ANK3: variants seen among roughly 807,000 people sequenced by gnomAD.
ANK3 encodes ankyrin-3.
In ANK3, 57 loss-of-function variants were observed where a neutral mutation model predicts 370.9. The ratio of observed to expected loss-of-function variants is 0.15; its 90% CI spans 0.12 to 0.19. ANK3 has a LOEUF of 0.19. Among genes scored for constraint, ANK3 ranks in the 10% least tolerant of loss-of-function variants. The pLI, the probability that ANK3 is intolerant of heterozygous loss-of-function variation, is 1.00. For missense variants in ANK3, 4,439 were observed against 5,302.1 expected (o/e 0.84, Z 5.06); for synonymous variants, 1,929 against 1,946.3 (o/e 0.99, Z 0.23).
intron 2 of ANK3, among the ~76,000 whole-genome samples, chr10:60,547,378 A>G (rs2076989158): frequency 6.6e-6 from 1 of 151,912 alleles, no homozygotes; most frequent in Non-Finnish European, 1.5e-5. Flanking sequence ...GGCGTGAGCC[A>G]TCGCTCCCGG....
intron 2 of ANK3, among the ~76,000 whole-genome samples, chr10:60,524,749 G>A (rs569751242): frequency 3.9e-4 from 59 of 152,134 alleles, no homozygotes; most frequent in African/African-American, 1.3e-3. Flanking sequence ...CATCATGCCT[G>A]GGGGGTGGCG....
Position 60,075,177 on chromosome 10 carries a change from G to C in ANK3, c.5704C>G (p.Leu1902Val). 1 of 1,614,102 alleles carries C rather than the reference G, an allele frequency of 6.2e-7. No individual in the cohort carries two copies. Among genetic ancestry groups the C allele is most frequent in the Non-Finnish European group, 8.5e-7 (1 of 1,179,994 alleles). The change falls in exon 37 of 44, where the codon CTA becomes GTA. Residue 1902 changes from leucine to valine, a missense_variant. Transcript: ENST00000280772. ...TCTTTCATTTCAGCTACATCTTTTA[G>C]TATCTCCTGACTGGAAGATAAAGAA... Reference protein sequence around the residue: ...PSSLSSSQEILKDVAEMKEDL... With the variant: ...PSSLSSSQEIVKDVAEMKEDL...
intron 1 of ANK3, among the ~76,000 whole-genome samples, chr10:60,669,231 G>C (rs972964255): frequency 3.9e-5 from 6 of 152,150 alleles, no homozygotes; most frequent in Admixed American, 3.9e-4. Context: ...AATCACATTC[G>C]CTTCTGACAA....
chr10:60,331,109 C>G (rs910003918), intron 1 of ANK3, among the ~76,000 whole-genome samples: 2 of 151,706 alleles, frequency 1.3e-5, no homozygotes, highest in African/African-American at 2.4e-5. Context: ...ACAAACTGGG[C>G]CTGTCAGGGG....
intron 1 of ANK3, among the ~76,000 whole-genome samples, chr10:60,655,774 C>T (rs1221336751): frequency 6.6e-6 from 1 of 152,178 alleles, no homozygotes; most frequent in Non-Finnish European, 1.5e-5. Context: ...AGTGCAAGGA[C>T]TTCCAGTCCT....
rs147456501 is a variant in ANK3 at position 60,278,916 on chromosome 10, A to G, written c.316-44T>C. The G allele has an allele frequency of 9.4e-6, 15 of 1,599,126 alleles. No homozygotes were observed. In the East Asian group the frequency reaches 3.4e-4, roughly 36 times the overall value. ...GATATATCAACTCATCGATCTTTTG[A>G]ATTTTCCTGTTCTCCCCAAAGAGAA... On this transcript the variant is annotated intron_variant, in intron 3 of 43. Coordinates refer to ENST00000280772, the MANE Select transcript of ANK3 (RefSeq NM_020987.5).
chr10:60,640,633 G>A (rs1320740527), intron 1 of ANK3, among the ~76,000 whole-genome samples: 1 of 77,566 alleles, frequency 1.3e-5, no homozygotes, highest in African/African-American at 4.2e-5. Context: ...TTGATGGGAC[G>A]TATCTTAAAA....
chr10:60,247,498 T>C (rs2097574461), intron 7 of ANK3, among the ~76,000 whole-genome samples: 1 of 152,198 alleles, frequency 6.6e-6, no homozygotes, highest in African/African-American at 2.4e-5. Context: ...AAAAACTTTA[T>C]AGCCATTAGC....
At chr10:60,438,259 A>G (rs922333116) in intron 2 of ANK3, among the ~76,000 whole-genome samples, 13 of 151,802 alleles carry the variant, frequency 8.6e-5, no homozygotes, top group Non-Finnish European at 1.8e-4. Flanking sequence ...ACATATATAT[A>G]TATGTATGTA....
intron 37 of ANK3, among the ~76,000 whole-genome samples, 158 bp from the exon 38 acceptor site, chr10:60,068,167 C>G (rs1293588130): frequency 1.3e-5 from 2 of 152,216 alleles, no homozygotes; most frequent in African/African-American, 4.8e-5. Flanking sequence ...TTGCACATGG[C>G]TCACTTGTTT....
intron 1 of ANK3, among the ~76,000 whole-genome samples, chr10:60,320,609 A>T (rs1206264439): frequency 1.3e-5 from 2 of 152,132 alleles, no homozygotes; most frequent in Non-Finnish European, 2.9e-5. Flanking sequence ...AAAAACAAAC[A>T]AACAAAGCAA....
At chr10:60,205,648 C>T (rs2096751882) in intron 11 of ANK3, 144 bp downstream of exon 11, 1 of 610,130 alleles carries the variant, frequency 1.6e-6, no homozygotes, top group Non-Finnish European at 3.0e-6. Context: ...GACTGGCAGC[C>T]CTCTTCCTAA....
At chr10:60,179,389 T>C (rs1248468121) in intron 18 of ANK3, among the ~76,000 whole-genome samples, 1 of 152,198 alleles carries the variant, frequency 6.6e-6, no homozygotes, top group African/African-American at 2.4e-5. Flanking sequence ...CCAGATATCA[T>C]ACGGGGTACA....
At chr10:60,601,787 A>G (rs1235459789) in intron 2 of ANK3, among the ~76,000 whole-genome samples, 1 of 152,168 alleles carries the variant, frequency 6.6e-6, no homozygotes, top group Admixed American at 6.6e-5. Context: ...AGATGTTTAC[A>G]ATAGGGGAAA....
intron 23 of ANK3, among the ~76,000 whole-genome samples, chr10:60,144,961 T>A (rs911824581): frequency 8.5e-5 from 13 of 152,212 alleles, no homozygotes; most frequent in African/African-American, 2.7e-4. Context: ...TCTTCTTTTC[T>A]TCCCCCACCC....
At chr10:60,650,773 C>T (rs1370812081) in intron 1 of ANK3, among the ~76,000 whole-genome samples, 1 of 152,156 alleles carries the variant, frequency 6.6e-6, no homozygotes, top group Non-Finnish European at 1.5e-5. Flanking sequence ...AATAAACTGT[C>T]ATGAAAGGTC....
chr10:60,270,247 A>C lies in ANK3; in HGVS notation c.415-18T>G. The C allele has an allele frequency of 6.4e-7, 1 of 1,550,800 alleles. No homozygotes were observed. Among genetic ancestry groups the C allele is most frequent in the Non-Finnish European group, 8.8e-7 (1 of 1,142,350 alleles). ...AAACCATTCTGCAAAATAAGAAAAA[A>C]AATGTTTGTCTGCAGCTTTCCAGAG... On this transcript the variant is annotated intron_variant, in intron 4 of 43. Transcript: ENST00000280772.
At chr10:60,574,502 A>G (rs891667051) in intron 2 of ANK3, among the ~76,000 whole-genome samples, 2 of 152,196 alleles carry the variant, frequency 1.3e-5, no homozygotes, top group Non-Finnish European at 2.9e-5. Flanking sequence ...ATTTTCTGCC[A>G]CTATTCAGTA....
At chr10:60,223,472 G>T (rs1022196548) in intron 8 of ANK3, among the ~76,000 whole-genome samples, 3 of 152,064 alleles carry the variant, frequency 2.0e-5, no homozygotes, top group Non-Finnish European at 4.4e-5. Context: ...TTATCTCTGA[G>T]GACAAGATTA....
Sources: allele counts gnomAD v4.1 joint callset (sites outside exome capture counted in the v4.1 genomes callset), GRCh38; gene constraint gnomAD v4.1.1; transcripts MANE v1.5; gene names NCBI Gene and HGNC (gene_info 2026-07-23, HGNC 2026-07-21).